The following PDE1A variants were observed in gnomAD, a reference collection of about 807,000 sequenced individuals.
PDE1A encodes dual specificity calcium/calmodulin-dependent 3',5'-cyclic nucleotide phosphodiesterase 1A.
In PDE1A, 35 loss-of-function variants were observed where a neutral mutation model predicts 61.7. The observed-to-expected ratio is 0.57, with a 90% CI of 0.43 to 0.75. The LOEUF is 0.75. Ranked by LOEUF, PDE1A falls within the 30% of genes least tolerant of loss-of-function variation. PDE1A has a pLI of 0.00. For missense variants in PDE1A, 597 were observed against 630.6 expected, an observed-to-expected ratio of 0.95 and a Z score of 0.57; for synonymous variants, 232 against 213.2, an observed-to-expected ratio of 1.09 and a Z score of -0.77.
chr2:182,380,694 C>G (rs140715089), intron 1 of PDE1A, among the ~76,000 whole-genome samples: 1,902 of 151,890 alleles, frequency 0.013, 24 homozygotes, highest in South Asian at 0.048. Flanking sequence ...TTTTTAATTG[C>G]GAAAATTATT....
chr2:182,437,955 T>C (rs986914050), intron 2 of PDE1A, among the ~76,000 whole-genome samples: 6 of 151,952 alleles, frequency 3.9e-5, no homozygotes. Context: ...CTGTTTTGAA[T>C]GTACACATTG....
At chr2:182,251,209 T>A (rs1434096876) in intron 2 of PDE1A, among the ~76,000 whole-genome samples, 2 of 152,220 alleles carry the variant, frequency 1.3e-5, no homozygotes, top group African/African-American at 4.8e-5. Context: ...CTTCATCACC[T>A]ATTGGCTGTG....
chr2:182,335,132 G>A (rs949449836), intron 1 of PDE1A, among the ~76,000 whole-genome samples: 2 of 152,086 alleles, frequency 1.3e-5, no homozygotes, highest in Admixed American at 1.3e-4. Flanking sequence ...CAAACAAATG[G>A]AAAAACATTC....
the PDE1A span, among the ~76,000 whole-genome samples, chr2:182,683,152 G>A: frequency 1.3e-5 from 2 of 150,734 alleles, no homozygotes; most frequent in African/African-American, 4.9e-5. Flanking sequence ...GAGTGCAGTG[G>A]TGCGATCTCG....
chr2:182,697,291 C>G, the PDE1A span, among the ~76,000 whole-genome samples: 1 of 152,242 alleles, frequency 6.6e-6, no homozygotes, highest in Non-Finnish European at 1.5e-5. Context: ...GACTCAGCCA[C>G]TTGCCACTTA....
intron 2 of PDE1A, among the ~76,000 whole-genome samples, chr2:182,253,536 C>A (rs1331061921): frequency 1.3e-5 from 2 of 152,040 alleles, no homozygotes; most frequent in East Asian, 1.9e-4. Flanking sequence ...TCTGCCAACA[C>A]CCCCCTTCAT....
At chr2:182,493,331 G>C (rs549200603) in intron 2 of PDE1A, among the ~76,000 whole-genome samples, 77 of 150,692 alleles carry the variant, frequency 5.1e-4, no homozygotes, top group Admixed American at 9.9e-4. Flanking sequence ...TGTGCACAAC[G>C]TGCAGGCTTG....
intron 1 of PDE1A, among the ~76,000 whole-genome samples, chr2:182,270,339 GAA>G: frequency 6.6e-6 from 1 of 152,158 alleles, no homozygotes; most frequent in South Asian, 2.1e-4. Flanking sequence ...CATTCCAAAT[GAA>G]AAGTTACTCA....
chr2:182,195,312 T>G (rs1028496712), intron 10 of PDE1A, among the ~76,000 whole-genome samples: 1 of 152,028 alleles, frequency 6.6e-6, no homozygotes, highest in African/African-American at 2.4e-5. Context: ...CTTACTTTTG[T>G]TCTATCACTT....
chr2:182,317,871 AAAC>A (rs1369191106), intron 1 of PDE1A, among the ~76,000 whole-genome samples: 1 of 152,168 alleles, frequency 6.6e-6, no homozygotes, highest in Non-Finnish European at 1.5e-5. Flanking sequence ...ACGGGGGAGA[AAAC>A]AAATCACTTT....
At chr2:182,205,952 T>C in exon 8 of PDE1A, 1 of 1,608,684 alleles carries the variant, frequency 6.2e-7, no homozygotes. Context: ...CCAGTCATCT[T>C]TGGATAAATT....
At chr2:182,587,150 G>C in the PDE1A span, among the ~76,000 whole-genome samples, 5 of 152,124 alleles carry the variant, frequency 3.3e-5, no homozygotes, top group African/African-American at 1.2e-4. Flanking sequence ...AGCATTATTG[G>C]GGCACAGAGA....
the PDE1A span, among the ~76,000 whole-genome samples, chr2:182,644,295 GTGTGTC>G: frequency 8.7e-4 from 130 of 150,172 alleles, no homozygotes; most frequent in South Asian, 0.014. Flanking sequence ...GTGTGTGTGT[GTGTGTC>G]TGTGTGTGTC....
At chr2:182,586,151 G>A in the PDE1A span, among the ~76,000 whole-genome samples, 4 of 152,080 alleles carry the variant, frequency 2.6e-5, no homozygotes, top group Admixed American at 6.5e-5. Context: ...TATTCATCCC[G>A]AGTAAATAAT....
intron 1 of PDE1A, among the ~76,000 whole-genome samples, chr2:182,320,221 C>A (rs1462123511): frequency 1.3e-5 from 2 of 152,122 alleles, no homozygotes; most frequent in Non-Finnish European, 2.9e-5. Flanking sequence ...TGTCCAGTTC[C>A]TTTTATCCTG....
intron 2 of PDE1A, among the ~76,000 whole-genome samples, chr2:182,501,770 T>A (rs1689096145): frequency 6.6e-6 from 1 of 152,182 alleles, no homozygotes; most frequent in East Asian, 1.9e-4. Context: ...TCCTCCCATG[T>A]CCTCATTTCT....
intron 1 of PDE1A, among the ~76,000 whole-genome samples, chr2:182,357,683 T>C (rs999003840): frequency 6.6e-6 from 1 of 152,224 alleles, no homozygotes; most frequent in Admixed American, 6.5e-5. Context: ...ACATTAGTAA[T>C]GTCTGGTGAA....
intron 1 of PDE1A, among the ~76,000 whole-genome samples, chr2:182,370,838 C>T (rs1176133373): frequency 1.3e-5 from 2 of 152,064 alleles, no homozygotes; most frequent in South Asian, 2.1e-4. Context: ...ATTAGGAGTT[C>T]GTTGAATGCA....
chr2:182,216,281 C>T (rs1477542659), intron 7 of PDE1A, among the ~76,000 whole-genome samples: 1 of 61,998 alleles, frequency 1.6e-5, no homozygotes, highest in Non-Finnish European at 3.2e-5. Context: ...ATAGTAAGAG[C>T]TATCTATGAC....
Sources: gnomAD v4.1 joint callset for allele counts (sites outside exome capture counted in the v4.1 genomes callset) on GRCh38, gnomAD v4.1.1 for gene constraint, MANE v1.5 for transcripts, NCBI Gene and HGNC (gene_info 2026-07-23, HGNC 2026-07-21) for gene names.